The following TSKU variants were observed in gnomAD, a reference collection of about 807,000 sequenced individuals.
TSKU encodes the protein tsukushi.
Under a neutral mutation model 11.2 loss-of-function variants are expected in TSKU, and 4 were observed. The observed-to-expected ratio is 0.36, with a 90% CI of 0.18 to 0.82. TSKU has a LOEUF of 0.82. TSKU is among the 40% of genes least tolerant of loss of function. The probability of loss-of-function intolerance (pLI) is 0.50; values close to 1 mark genes in which losing one functional copy is unlikely to be tolerated. For missense variants in TSKU, 407 were observed against 482.5 expected (o/e 0.84, Z 1.47); for synonymous variants, 220 against 232.2 (o/e 0.95, Z 0.48).
intron 1 of TSKU, among the ~76,000 whole-genome samples, chr11:76,794,036 G>A (rs1944408821): frequency 6.6e-6 from 1 of 152,168 alleles, no homozygotes; most frequent in Non-Finnish European, 1.5e-5. Context: ...TCCAGAGGGA[G>A]GGATGGGCAG....
chr11:76,782,991 A>C (rs1944253398), upstream of TSKU: 1 of 152,162 alleles, frequency 6.6e-6, no homozygotes, highest in Admixed American at 6.5e-5. Flanking sequence ...ATACACATAC[A>C]CAGGCACGTA....
At chr11:76,792,785 CCT>C (rs1384095469) in intron 1 of TSKU, 1 of 153,832 alleles carries the variant, frequency 6.5e-6, no homozygotes, top group African/African-American at 2.4e-5. Context: ...TCCAATTAAA[CCT>C]CTTTCTTTTG....
At chr11:76,783,111 A>C (rs1380953896), upstream of TSKU, 2 of 152,174 alleles carry the variant, frequency 1.3e-5, no homozygotes, top group African/African-American at 4.8e-5. Context: ...GAGCGAGGCC[A>C]ACTAGAGGGG....
intron 1 of TSKU, among the ~76,000 whole-genome samples, chr11:76,784,579 G>T (rs1351655949): frequency 6.6e-6 from 1 of 152,250 alleles, no homozygotes; most frequent in African/African-American, 2.4e-5. Flanking sequence ...CGCGGCTCGG[G>T]GCGTGCGGTG....
intron 1 of TSKU, among the ~76,000 whole-genome samples, chr11:76,785,450 G>C (rs1944302320): frequency 1.3e-5 from 2 of 152,166 alleles, no homozygotes; most frequent in African/African-American, 4.8e-5. Flanking sequence ...CCGGAGAAGG[G>C]GCCTGACAGG....
intron 1 of TSKU, among the ~76,000 whole-genome samples, chr11:76,785,716 C>T (rs1565126112): frequency 6.6e-6 from 1 of 152,144 alleles, no homozygotes. Context: ...CAATGGAGAG[C>T]TCCTGGAGGA....
At chr11:76,791,442 G>C (rs772464579) in intron 1 of TSKU, among the ~76,000 whole-genome samples, 1 of 151,508 alleles carries the variant, frequency 6.6e-6, no homozygotes, top group African/African-American at 2.5e-5. Context: ...GCCTGGAGGC[G>C]TAGGAGGAAA....
intron 1 of TSKU, chr11:76,791,606 G>A (rs1489113849): frequency 6.6e-6 from 1 of 152,246 alleles, no homozygotes; most frequent in Non-Finnish European, 1.5e-5. Context: ...GACTTCGCAG[G>A]TTCCAGAACC....
chr11:76,783,832 G>A (rs1245673078), intron 1 of TSKU, among the ~76,000 whole-genome samples: 3 of 152,208 alleles, frequency 2.0e-5, no homozygotes, highest in Non-Finnish European at 4.4e-5. Context: ...CGCGTACGTG[G>A]TCGGTGCCTG....
chr11:76,792,718 T>G (rs1565128014), intron 1 of TSKU: 1 of 153,528 alleles, frequency 6.5e-6, no homozygotes, highest in East Asian at 1.9e-4. Context: ...ATGTAAGAAG[T>G]GCCTTTTGCC....
Position 76,796,555 on chromosome 11 carries a change from T to G in TSKU, c.939T>G (p.Asp313Glu). 1 of 1,594,040 alleles carries G rather than the reference T, an allele frequency of 6.3e-7. No homozygotes were observed. Among genetic ancestry groups the G allele is most frequent in the Non-Finnish European group, 8.6e-7 (1 of 1,168,498 alleles). ...TGCAGAGCGTCAGCGTGGGCCAGGA[T>G]GTGCGGTGCCGGCGCCTGGTGCGGG... ...PALQSVSVGQ[D>E]VRCRRLVREG... Residue 313 changes from aspartate to glutamate, a missense_variant, in exon 2 of 2, where the codon GAT becomes GAG. Coordinates refer to ENST00000333090, the MANE Select transcript of TSKU (RefSeq NM_015516.4). The surrounding 1 kb of genome is among the most constrained non-coding windows in gnomAD (Gnocchi z 4.1).
chr11:76,787,977 CTG>C (rs1407052749), intron 1 of TSKU, among the ~76,000 whole-genome samples: 1 of 152,158 alleles, frequency 6.6e-6, no homozygotes, highest in Admixed American at 6.5e-5. Flanking sequence ...TGGTGGGCTG[CTG>C]TGTTTGTCCA....
At chr11:76,794,328 G>C (rs1944413349) in intron 1 of TSKU, among the ~76,000 whole-genome samples, 1 of 152,230 alleles carries the variant, frequency 6.6e-6, no homozygotes, top group Admixed American at 6.5e-5. Flanking sequence ...CACGTATGTA[G>C]CACCTGGCAT....
intron 1 of TSKU, among the ~76,000 whole-genome samples, chr11:76,786,307 C>T (rs547407173): frequency 2.0e-5 from 3 of 152,222 alleles, no homozygotes; most frequent in Non-Finnish European, 1.5e-5. Flanking sequence ...GGGCCATGGG[C>T]GCTCACAGGA....
chr11:76,787,706 A>G (rs1429689552), intron 1 of TSKU, among the ~76,000 whole-genome samples: 2 of 152,186 alleles, frequency 1.3e-5, no homozygotes, highest in Non-Finnish European at 2.9e-5. Flanking sequence ...AAGGGCATAA[A>G]AAGGAACCTA....
intron 1 of TSKU, among the ~76,000 whole-genome samples, chr11:76,787,851 C>T (rs924826733): frequency 1.9e-4 from 29 of 152,148 alleles, no homozygotes; most frequent in Non-Finnish European, 2.1e-4. Context: ...GGGTTAAGTC[C>T]GGGGTCCTCT....
At chr11:76,795,378 C>T (rs1157405511) in intron 1 of TSKU, among the ~76,000 whole-genome samples, 1 of 152,266 alleles carries the variant, frequency 6.6e-6, no homozygotes, top group Non-Finnish European at 1.5e-5. Flanking sequence ...AAGGGATCTG[C>T]TGCTTCTAGT....
Position 76,796,242 on chromosome 11 carries a change from A to T in TSKU, c.626A>T (p.Tyr209Phe). 6.2e-7 allele frequency: 1 copy of T among 1,612,688 alleles called. No homozygotes were observed. The highest frequency in any genetic ancestry group is 1.7e-5 in the Admixed American group (1 of 59,942). Residue 209 changes from tyrosine (Y) to phenylalanine (F), a missense_variant, in exon 2 of 2, where the codon TAC becomes TTC. Tyr to Phe is a conservative substitution (Grantham distance 22). Transcript: ENST00000333090. The surrounding 1 kb of genome is among the most constrained non-coding windows in gnomAD (Gnocchi z 4.1). ...VPNLRDLPLR[Y>F]LSLDGNPLAV... ...AACCTCCGAGACTTGCCCCTGCGCT[A>T]CCTGAGCCTGGATGGGAACCCTCTA...
In TSKU at chr11:76,796,662, GC is replaced by G; in HGVS notation, c.1050del (p.Thr351ProfsTer25). 2 of 1,449,482 alleles carry G rather than the reference GC, an allele frequency of 1.4e-6. No individual in the cohort carries two copies. Among genetic ancestry groups the G allele is most frequent in the Non-Finnish European group, 1.8e-6 (2 of 1,097,290 alleles). 89.8% of individuals were successfully genotyped at this position (1,449,482 alleles called of 1,614,324 possible). Reference sequence around the variant, plus strand: ...GACACCCGGGATTCTGCTGCCAGGGGCCCCACCATCTTGTGACAAATGGTGT... The same window carrying G: ...GACACCCGGGATTCTGCTGCCAGGGGCCCACCATCTTGTGACAAATGGTGT... ...CVDTRDSAAR[G>X]PTIL On this transcript the variant is annotated frameshift_variant, in exon 2 of 2. Coordinates refer to ENST00000333090, the MANE Select transcript of TSKU (RefSeq NM_015516.4). LOFTEE classifies it high-confidence loss of function. This position sits in a 1 kb window ranked among gnomAD's most constrained non-coding sequence, Gnocchi z 4.1.
Sources: gnomAD v4.1 joint callset for allele counts (sites outside exome capture counted in the v4.1 genomes callset) on GRCh38, gnomAD v4.1.1 for gene constraint, Gnocchi (gnomAD v3.1) non-coding constraint, MANE v1.5 for transcripts, NCBI Gene and HGNC (gene_info 2026-07-23, HGNC 2026-07-21) for gene names.